IFFO2: variants seen among roughly 807,000 people sequenced by gnomAD.
IFFO2 encodes intermediate filament family orphan 2.
In IFFO2, 19 loss-of-function variants were observed where a neutral mutation model predicts 53.5. The ratio of observed to expected loss-of-function variants is 0.36; its 90% CI spans 0.25 to 0.52. The LOEUF is 0.52. Ranked by LOEUF, IFFO2 falls within the 20% of genes least tolerant of loss-of-function variation. The probability of loss-of-function intolerance (pLI) is 0.94; values close to 1 mark genes in which losing one functional copy is unlikely to be tolerated. For missense variants in IFFO2, 570 were observed against 727.4 expected, an observed-to-expected ratio of 0.78 and a Z score of 2.49; for synonymous variants, 303 against 313.6, an observed-to-expected ratio of 0.97 and a Z score of 0.36.
At chr1:18,941,089 G>A (rs1326589157) in intron 1 of IFFO2, among the ~76,000 whole-genome samples, 1 of 152,216 alleles carries the variant, frequency 6.6e-6, no homozygotes, top group African/African-American at 2.4e-5. Flanking sequence ...ATTTCACCTG[G>A]CACGACTCAA....
intron 5 of IFFO2, among the ~76,000 whole-genome samples, chr1:18,915,188 G>A (rs1347912022): frequency 6.6e-6 from 1 of 152,112 alleles, no homozygotes; most frequent in East Asian, 1.9e-4. Context: ...TCTCTCATTT[G>A]TACAATGAAG....
chr1:18,915,358 C>A (rs1386306922), intron 5 of IFFO2, among the ~76,000 whole-genome samples: 1 of 118,674 alleles, frequency 8.4e-6, no homozygotes, highest in Non-Finnish European at 1.8e-5. Context: ...CGGGAGGTGG[C>A]AGAGCCTCCC....
At chr1:18,924,295 C>T (rs1013952687) in intron 1 of IFFO2, among the ~76,000 whole-genome samples, 1 of 146,444 alleles carries the variant, frequency 6.8e-6, no homozygotes, top group African/African-American at 2.5e-5. Context: ...AGGGAGCACT[C>T]AGCTTAACTG....
rs1160880437 is a variant in IFFO2 at position 18,919,603 on chromosome 1, T to C, written c.822+75A>G. 1 of 1,003,364 alleles carries C rather than the reference T, an allele frequency of 1.0e-6. No individual in the cohort carries two copies. Among genetic ancestry groups the C allele is most frequent in the Non-Finnish European group, 1.5e-6 (1 of 648,334 alleles). 62.2% of individuals were successfully genotyped at this position (1,003,364 alleles called of 1,614,324 possible). A position where few individuals can be genotyped will look rare whatever the true frequency, so the allele number is the denominator to read the frequency against. ...TAACTAGAAGCCGAGCCCCGGAGCCTCGGAGGGAATGAAGCATTTTGCATG... is the reference window on the plus strand; with the variant it reads ...TAACTAGAAGCCGAGCCCCGGAGCCCCGGAGGGAATGAAGCATTTTGCATG... On this transcript the variant is annotated intron_variant, in intron 3 of 8. Transcript: ENST00000455833. The surrounding 1 kb of genome is among the most constrained non-coding windows in gnomAD (Gnocchi z 4.9).
intron 1 of IFFO2, among the ~76,000 whole-genome samples, chr1:18,945,007 G>A (rs975686372): frequency 1.3e-5 from 2 of 152,152 alleles, no homozygotes; most frequent in Non-Finnish European, 1.5e-5. Flanking sequence ...GCTCAAGCCC[G>A]GGCACCAGGA....
chr1:18,948,553 AC>A (rs1421075443), intron 1 of IFFO2, among the ~76,000 whole-genome samples: 2 of 152,210 alleles, frequency 1.3e-5, no homozygotes, highest in Admixed American at 1.3e-4. Context: ...AGAATGAGAA[AC>A]CACATCCTGC....
In IFFO2 at chr1:18,928,870, A is replaced by C. The variant is rs1464993851; in HGVS notation, c.666-7749T>G. ...TGGATAGGGCCCTTCCTTGGAGTCC[A>C]GAAGTGGTGACAGCCTCAGGGATAC... On this transcript the variant is annotated intron_variant, in intron 1 of 8. Transcript: ENST00000455833. This position sits in a 1 kb window ranked among gnomAD's most constrained non-coding sequence, Gnocchi z 4.9. Among the ~76,000 whole-genome samples, 1 of 152,216 alleles carries C rather than the reference A, an allele frequency of 6.6e-6. No homozygotes were observed. The highest frequency in any genetic ancestry group is 1.5e-5 in the Non-Finnish European group (1 of 68,030).
chr1:18,940,847 A>C (rs1936510879), intron 1 of IFFO2, among the ~76,000 whole-genome samples: 1 of 152,214 alleles, frequency 6.6e-6, no homozygotes, highest in South Asian at 2.1e-4. Context: ...TGCTCAAAGC[A>C]GTGACCCAAC....
intron 2 of IFFO2, 60 bp downstream of exon 2, chr1:18,921,001 C>G: frequency 1.4e-6 from 2 of 1,455,222 alleles, no homozygotes; most frequent in Non-Finnish European, 1.9e-6. Context: ...AAGACTGTGC[C>G]CCTTGGCCAC....
chr1:18,929,099 G>A (rs901057112), intron 1 of IFFO2, among the ~76,000 whole-genome samples: 1 of 152,194 alleles, frequency 6.6e-6, no homozygotes, highest in South Asian at 2.1e-4. Context: ...AGAGTCAAAG[G>A]TTGTAGGCAA....
Position 18,906,711 on chromosome 1 carries a change from G to C in IFFO2, c.*1850C>G, listed in dbSNP as rs1264456760. ...GGGCCGTCTCTCTTCCAAAACCATT[G>C]TCCCTCCAAGTACCTGTCAAAGGGA... On this transcript the variant is annotated 3_prime_UTR_variant, in exon 9 of 9. Coordinates refer to ENST00000455833, the MANE Select transcript of IFFO2 (RefSeq NM_001136265.2). 5 of 152,294 alleles carry C rather than the reference G, an allele frequency of 3.3e-5. No individual in the cohort carries two copies. The East Asian group carries it at 7.7e-4, about 23-fold the overall frequency. The allele number at this position is 152,294 out of a possible 1,614,324, so 9.4% of individuals were successfully genotyped here. A position where few individuals can be genotyped will look rare whatever the true frequency, so the allele number is the denominator to read the frequency against.
intron 5 of IFFO2, among the ~76,000 whole-genome samples, chr1:18,914,882 G>C (rs896955399): frequency 6.6e-6 from 1 of 151,550 alleles, no homozygotes; most frequent in Non-Finnish European, 1.5e-5. Flanking sequence ...TATGAGATGG[G>C]GGGTATCAAA....
chr1:18,941,916 A>G (rs1936527046), intron 1 of IFFO2, among the ~76,000 whole-genome samples: 1 of 152,102 alleles, frequency 6.6e-6, no homozygotes, highest in African/African-American at 2.4e-5. Flanking sequence ...TCCAGGTGAC[A>G]CCCTGCACTG....
chr1:18,956,264 C>G lies in IFFO2; in HGVS notation c.69G>C (p.Gly23=). 1 of 907,860 alleles carries G rather than the reference C, an allele frequency of 1.1e-6. No individual in the cohort carries two copies. Among genetic ancestry groups the G allele is most frequent in the Non-Finnish European group, 1.4e-6 (1 of 734,382 alleles). The allele number at this position is 907,860 out of a possible 1,614,324, so 56.2% of individuals were successfully genotyped here. Residue 23 remains glycine (G), a synonymous_variant, in exon 1 of 9, where the codon GGG becomes GGC. Transcript: ENST00000455833. The surrounding 1 kb of genome is among the most constrained non-coding windows in gnomAD (Gnocchi z 6.4). The part of the protein sequence containing the change: ...AFGCPPGGGG[G]GCPGGGGGGG... ...CGCCGCCGCCCCCGCCAGGGCAGCC[C>G]CCGCCGCCGCCGCCCGGCGGGCAGC... is the stretch of plus-strand genomic sequence containing the variant.
intron 1 of IFFO2, among the ~76,000 whole-genome samples, chr1:18,945,894 G>A (rs1399403231): frequency 6.6e-6 from 1 of 152,242 alleles, no homozygotes; most frequent in East Asian, 1.9e-4. Context: ...GGCTCAGAGA[G>A]GCACAGTGAC....
At chr1:18,926,117 A>G (rs61759282) in intron 1 of IFFO2, among the ~76,000 whole-genome samples, 1,168 of 34,998 alleles carry the variant, frequency 0.033, 15 homozygotes, top group African/African-American at 0.053. Context: ...TTGGATGGAT[A>G]GATGGATGGA....
At position 18,941,562 on chromosome 1, in the gene IFFO2, G is replaced by A. The variant is rs1044843127; in HGVS notation, c.665+14106C>T. ...AAAACACAGAAACCATCTACCCATC[G>A]CCTACAGGGGCCCAGAAGGAGGAAC... On this transcript the variant is annotated intron_variant, in intron 1 of 8. Transcript: ENST00000455833. Among the ~76,000 whole-genome samples, 4 of 152,324 alleles carry A rather than the reference G, an allele frequency of 2.6e-5. No homozygotes were observed. In the South Asian group the frequency reaches 6.2e-4, roughly 24 times the overall value.
intron 5 of IFFO2, among the ~76,000 whole-genome samples, chr1:18,914,318 CT>C (rs1936099345): frequency 1.3e-5 from 2 of 152,220 alleles, no homozygotes. Flanking sequence ...GATCTGTCTC[CT>C]TTTTAGCTCA....
chr1:18,904,931 A>G lies in IFFO2; in HGVS notation c.*3630T>C, dbSNP rs1935925698. The stretch of plus-strand genomic sequence containing the variant: ...CCACTTCTGCTCCAGCTGCCTGACC[A>G]CCTGGGACCCGCAAAGGCCCAGGCT... On this transcript the variant is annotated 3_prime_UTR_variant, in exon 9 of 9. Transcript: ENST00000455833. 6.6e-6 allele frequency: 1 copy of G among 152,058 alleles called. No individual in the cohort carries two copies. Among genetic ancestry groups the G allele is most frequent in the Non-Finnish European group, 1.5e-5 (1 of 68,046 alleles). The allele number at this position is 152,058 out of a possible 1,614,324, so 9.4% of individuals were successfully genotyped here.
Sources: gnomAD v4.1 joint callset for allele counts (sites outside exome capture counted in the v4.1 genomes callset) on GRCh38, gnomAD v4.1.1 for gene constraint, Gnocchi (gnomAD v3.1) non-coding constraint, MANE v1.5 for transcripts, NCBI Gene and HGNC (gene_info 2026-07-23, HGNC 2026-07-21) for gene names.